Variants in ADAMTS9 observed in about 807,000 individuals in gnomAD.
ADAMTS9 encodes the protein ADAM metallopeptidase with thrombospondin type 1 motif 9.
Under a neutral mutation model 257.1 loss-of-function variants are expected in ADAMTS9, and 107 were observed. That is an observed-to-expected ratio of 0.42 (90% CI 0.36 to 0.49). The LOEUF (loss-of-function observed/expected upper bound fraction) is 0.49, where lower values mean the gene tolerates loss of function less well. ADAMTS9 is among the 20% of genes least tolerant of loss of function. The pLI, the probability that ADAMTS9 is intolerant of heterozygous loss-of-function variation, is 0.03. For synonymous variants in ADAMTS9, 982 were observed against 880.9 expected, an observed-to-expected ratio of 1.11 and a Z score of -2.03; for missense variants, 2,353 against 2,469.1, an observed-to-expected ratio of 0.95 and a Z score of 1.00.
chr3:64,585,763 C>T (rs2084132514), intron 28 of ADAMTS9, among the ~76,000 whole-genome samples: 1 of 152,086 alleles, frequency 6.6e-6, no homozygotes, highest in African/African-American at 2.4e-5. Context: ...CCAGAGATAG[C>T]ACCCAATATG....
rs746749259 is a variant in ADAMTS9 at position 64,561,621 on chromosome 3, G to T, written c.4655C>A (p.Pro1552Gln). 5 of 1,613,922 alleles carry T rather than the reference G, an allele frequency of 3.1e-6. No individual in the cohort carries two copies. ...CCTCCAAGTGTAGAGGGGACACCGT[G>T]GGCCTTGGCAGTCGCGTTCCGACTC... ...RPESERDCQG[P>Q]RCPLYTWRAE... The change falls in exon 30 of 40, where the codon CCA (proline) becomes CAA (glutamine). Residue 1552 changes from proline to glutamine, a missense_variant. Pro to Gln is a moderately conservative substitution (Grantham distance 76, BLOSUM62 -1). Transcript: ENST00000498707.
chr3:64,681,431 G>T (rs540617982), intron 2 of ADAMTS9, 68 bp from the exon 3 acceptor site: 2 of 1,500,822 alleles, frequency 1.3e-6, no homozygotes, highest in East Asian at 2.3e-5. Flanking sequence ...AAAACCAAAA[G>T]AACATTTTCA....
chr3:64,610,194 A>G (rs1235302670), intron 22 of ADAMTS9, among the ~76,000 whole-genome samples: 2 of 152,250 alleles, frequency 1.3e-5, no homozygotes, highest in Non-Finnish European at 2.9e-5. Context: ...ACTTCATGAC[A>G]TTGGATTCGG....
chr3:64,523,603 A>T (rs2082877115), intron 38 of ADAMTS9, among the ~76,000 whole-genome samples: 1 of 152,180 alleles, frequency 6.6e-6, no homozygotes, highest in African/African-American at 2.4e-5. Context: ...AAACTGTTAG[A>T]TGTTTAAAGC....
At chr3:64,616,269 T>C (rs148094560) in intron 19 of ADAMTS9, 99 bp from the exon 20 acceptor site, 20 of 1,308,492 alleles carry the variant, frequency 1.5e-5, no homozygotes, top group Middle Eastern at 4.8e-4. Context: ...TTCTTTTTTC[T>C]TTCTTAACTC....
intron 38 of ADAMTS9, chr3:64,522,482 T>C (rs2082865912): frequency 2.6e-6 from 1 of 388,008 alleles, no homozygotes; most frequent in Non-Finnish European, 4.6e-6. Flanking sequence ...AAGCTAAGGA[T>C]GATTTTTATA....
At chr3:64,612,929 T>A (rs1025698455) in intron 22 of ADAMTS9, among the ~76,000 whole-genome samples, 2 of 152,168 alleles carry the variant, frequency 1.3e-5, no homozygotes, top group African/African-American at 4.8e-5. Context: ...GCTTTGTAAT[T>A]GTGACATTGG....
At chr3:64,622,689 A>G in intron 16 of ADAMTS9, 103 bp from the exon 17 acceptor site, 1 of 1,308,628 alleles carries the variant, frequency 7.6e-7, no homozygotes. Flanking sequence ...TGTGCACGGA[A>G]TGGGGACTTT....
intron 37 of ADAMTS9, among the ~76,000 whole-genome samples, chr3:64,534,757 T>C (rs2083026776): frequency 9.8e-6 from 1 of 102,528 alleles, no homozygotes; most frequent in African/African-American, 3.7e-5. Flanking sequence ...TCTGGAAACA[T>C]TTTTGTTTGT....
chr3:64,576,043 A>G (rs933070488), intron 28 of ADAMTS9, among the ~76,000 whole-genome samples: 3 of 152,172 alleles, frequency 2.0e-5, no homozygotes, highest in African/African-American at 7.2e-5. Flanking sequence ...TTCTTTCCAA[A>G]GTTCCCAGAG....
At chr3:64,661,417 G>A (rs1701219298) in intron 3 of ADAMTS9, among the ~76,000 whole-genome samples, 1 of 152,262 alleles carries the variant, frequency 6.6e-6, no homozygotes. Context: ...ATTGAATTCG[G>A]CTCTTTTATG....
chr3:64,649,243 G>A (rs1343122547), intron 10 of ADAMTS9, among the ~76,000 whole-genome samples: 8 of 152,236 alleles, frequency 5.3e-5, no homozygotes, highest in South Asian at 2.1e-4. Context: ...TAGCTCTTCT[G>A]AATCTAGAAG....
chr3:64,642,958 C>A (rs1439129213), intron 11 of ADAMTS9, among the ~76,000 whole-genome samples: 1 of 152,052 alleles, frequency 6.6e-6, no homozygotes, highest in Non-Finnish European at 1.5e-5. Flanking sequence ...GAATAGCAGG[C>A]CCCACCCCCA....
At chr3:64,657,867 T>A (rs890721082) in intron 4 of ADAMTS9, among the ~76,000 whole-genome samples, 13 of 152,188 alleles carry the variant, frequency 8.5e-5, no homozygotes, top group African/African-American at 3.1e-4. Context: ...ACTTTGGTTC[T>A]GATTTTTAAA....
chr3:64,553,243 G>T (rs1033856551), intron 30 of ADAMTS9, among the ~76,000 whole-genome samples: 4 of 152,048 alleles, frequency 2.6e-5, no homozygotes, highest in African/African-American at 9.7e-5. Context: ...GCAAACACCA[G>T]TCTGCTTTCT....
rs747389868 is a variant in ADAMTS9, at chr3:64,561,750, CACTA to C, written c.4525-3_4525del. ...TACGCCTCGGCCACAGGACACAGAGCACTAAGAAGACAGAGAACGTAAGTGGGAG... is the reference window on the plus strand; with the variant it reads ...TACGCCTCGGCCACAGGACACAGAGCAGAAGACAGAGAACGTAAGTGGGAG... On this transcript the variant is annotated splice_acceptor_variant and splice_polypyrimidine_tract_variant and coding_sequence_variant and intron_variant, in exon 30 of 40. Coordinates refer to ENST00000498707, the MANE Select transcript of ADAMTS9 (RefSeq NM_182920.2). LOFTEE classifies it high-confidence loss of function. 8 of 1,553,320 alleles carry C rather than the reference CACTA, an allele frequency of 5.2e-6. No homozygotes were observed. In the East Asian group the frequency reaches 2.0e-4, roughly 38 times the overall value.
intron 8 of ADAMTS9, among the ~76,000 whole-genome samples, chr3:64,653,731 G>C (rs1332209580): frequency 6.6e-6 from 1 of 152,150 alleles, no homozygotes; most frequent in Non-Finnish European, 1.5e-5. Flanking sequence ...AATTTGCAGT[G>C]TTTTGCCCCA....
intron 28 of ADAMTS9, among the ~76,000 whole-genome samples, chr3:64,585,599 A>C (rs2084127308): frequency 6.6e-6 from 1 of 152,206 alleles, no homozygotes; most frequent in Non-Finnish European, 1.5e-5. Flanking sequence ...TTCACTTGTA[A>C]GTGCTACAGC....
Position 64,615,545 on chromosome 3 carries a change from G to A in ADAMTS9, c.3025-60C>T, listed in dbSNP as rs2084746263. The A allele has an allele frequency of 2.0e-6, 3 of 1,512,020 alleles. No homozygotes were observed. The African/African-American group carries it at 4.2e-5, about 21-fold the overall frequency. The allele number at this position is 1,512,020 out of a possible 1,614,324, so 93.7% of individuals were successfully genotyped here. A position where few individuals can be genotyped will look rare whatever the true frequency, so the allele number is the denominator to read the frequency against. ...TAAGTTTCTTATAAAGTATGCTGAA[G>A]ATCCTGGCTATGTTGTCTCTTCCAG... On this transcript the variant is annotated intron_variant, in intron 20 of 39. Transcript: ENST00000498707.
Sources: gnomAD v4.1 joint callset for allele counts (sites outside exome capture counted in the v4.1 genomes callset) on GRCh38, gnomAD v4.1.1 for gene constraint, MANE v1.5 for transcripts, NCBI Gene and HGNC (gene_info 2026-07-23, HGNC 2026-07-21) for gene names.